The following DYNC1H1 variants were observed in gnomAD, a reference collection of about 807,000 sequenced individuals.
DYNC1H1 encodes the protein dynein cytoplasmic 1 heavy chain 1.
A neutral mutation model predicts 527.1 loss-of-function variants in DYNC1H1; 51 were observed. The ratio of observed to expected loss-of-function variants is 0.10; its 90% confidence interval spans 0.08 to 0.12. The LOEUF is 0.12. Among genes scored for constraint, DYNC1H1 ranks in the 10% least tolerant of loss-of-function variants. The probability of loss-of-function intolerance (pLI) is 1.00; values close to 1 mark genes in which losing one functional copy is unlikely to be tolerated. For synonymous variants in DYNC1H1, 2,189 were observed against 2,278.8 expected (o/e 0.96, Z 1.12); for missense variants, 2,771 against 5,971.8 (o/e 0.46, Z 17.66).
rs2048547257 is a variant in DYNC1H1, at chr14:102,034,454, T to TATG, written c.10754+4_10754+6dup. The TATG allele has an allele frequency of 1.2e-6, 2 of 1,612,528 alleles. No individual in the cohort carries two copies. Among genetic ancestry groups the TATG allele is most frequent in the East Asian group, 4.5e-5 (2 of 44,878 alleles). On this transcript the variant is annotated splice_region_variant and intron_variant, in intron 56 of 77. Coordinates refer to ENST00000360184, the MANE Select transcript of DYNC1H1 (RefSeq NM_001376.5). ...CATCATGCTGAAACGATTCAATAGG[T>TATG]ATGAGCTCGGGTGCCAAGGAGAGGC...
Position 102,017,797 on chromosome 14 carries a change from T to C in DYNC1H1, c.8177+293T>C, listed in dbSNP as rs1334227496. ...CTGGCCAACACAGTGAAACCTCGTC[T>C]CTACTGAAAATACAAAAACAAAATT... On this transcript the variant is annotated intron_variant, in intron 40 of 77. Transcript: ENST00000360184. This position sits in a 1 kb window ranked among gnomAD's most constrained non-coding sequence, Gnocchi z 4.6. 1 of 433,992 alleles carries C rather than the reference T, an allele frequency of 2.3e-6. No homozygotes were observed. The highest frequency in any genetic ancestry group is 3.6e-5 in the Admixed American group (1 of 28,104). The allele number at this position is 433,992 out of a possible 1,614,324, so 26.9% of individuals were successfully genotyped here. A position where few individuals can be genotyped will look rare whatever the true frequency, so the allele number is the denominator to read the frequency against.
At chr14:101,998,368 G>T (rs1230643516) in intron 16 of DYNC1H1, among the ~76,000 whole-genome samples, 1 of 151,806 alleles carries the variant, frequency 6.6e-6, no homozygotes, top group South Asian at 2.1e-4. Flanking sequence ...CTCTATAAAC[G>T]CTGATCTGAT....
At position 102,049,042 on chromosome 14, in the gene DYNC1H1, G is replaced by T. The variant is rs17512968; in HGVS notation, c.13372+373G>T. The T allele has an allele frequency of 1.8e-3, 778 of 423,280 alleles. 2 individuals are homozygous for T. The highest frequency in any genetic ancestry group is 2.9e-3 in the Non-Finnish European group (647 of 226,182). The allele number at this position is 423,280 out of a possible 1,614,324, so 26.2% of individuals were successfully genotyped here. On this transcript the variant is annotated intron_variant, in intron 74 of 77. Coordinates refer to ENST00000360184, the MANE Select transcript of DYNC1H1 (RefSeq NM_001376.5). The surrounding 1 kb of genome is among the most constrained non-coding windows in gnomAD (Gnocchi z 5.5). ...GGACAGTGGAAAAGCAGGGGCAGGC[G>T]GGCATGGGGGGCTCATCCAAAGTTG...
intron 43 of DYNC1H1, among the ~76,000 whole-genome samples, chr14:102,024,640 C>G (rs1049523475): frequency 1.4e-5 from 2 of 139,138 alleles, no homozygotes; most frequent in Non-Finnish European, 3.2e-5. Flanking sequence ...GGTACCCATT[C>G]TTTTTCATTT....
At chr14:102,034,270 A>C in intron 55 of DYNC1H1, 55 bp from the exon 56 acceptor site, 1 of 1,614,200 alleles carries the variant, frequency 6.2e-7, no homozygotes, top group South Asian at 1.1e-5. Flanking sequence ...GAGTCTTGAG[A>C]ACAGTCCCAT....
Position 102,054,906 on chromosome 14 carries a change from T to G in DYNC1H1, c.*4343T>G, listed in dbSNP as rs2048860238. The stretch of plus-strand genomic sequence containing the variant: ...TTTGTAGAGACAGGGTTTTGCCATG[T>G]TGCCCAGGCTGGTCTCCTGGGCTCA... On this transcript the variant is annotated 3_prime_UTR_variant, in exon 78 of 78. Transcript: ENST00000360184. The G allele has an allele frequency of 1.3e-5, 2 of 152,402 alleles. No homozygotes were observed. The highest frequency in any genetic ancestry group is 6.5e-5 in the Admixed American group (1 of 15,276). The allele number at this position is 152,402 out of a possible 1,614,324, so 9.4% of individuals were successfully genotyped here.
rs1003539123 is a variant in DYNC1H1 at position 101,994,276 on chromosome 14, G to A, written c.3108G>A (p.Ser1036=). 4.3e-6 allele frequency: 7 copies of A among 1,614,046 alleles called. No individual in the cohort carries two copies. Among genetic ancestry groups the A allele is most frequent in the African/African-American group, 4.0e-5 (3 of 74,912 alleles). ...ATGGCCCTGTTGCCCTGGAAGAGTC[G>A]TATTCTGCTGTCATGGGCATTGTAT... ...MPDGPVALEE[S]YSAVMGIVSE... is the part of the protein sequence containing the mutation. Residue 1036 remains serine (S), a synonymous_variant, in exon 12 of 78, where the codon TCG becomes TCA. Transcript: ENST00000360184.
At position 101,975,690 on chromosome 14, in the gene DYNC1H1, A is replaced by G. The variant is rs773885406; in HGVS notation, c.257-22A>G. 6 of 1,586,278 alleles carry G rather than the reference A, an allele frequency of 3.8e-6. No individual in the cohort carries two copies. The South Asian group carries it at 6.6e-5, about 18-fold the overall frequency. On this transcript the variant is annotated intron_variant, in intron 1 of 77. Transcript: ENST00000360184. ...AATTGGAAATGTTGATATTAATTTG[A>G]TATATTTATTATGATTTGTAGAGGA...
Position 102,001,701 on chromosome 14 carries a change from T to C in DYNC1H1, c.4542+20T>C. The C allele has an allele frequency of 6.2e-7, 1 of 1,613,646 alleles. No homozygotes were observed. Among genetic ancestry groups the C allele is most frequent in the South Asian group, 1.1e-5 (1 of 91,048 alleles). ...TACAAGGTGCTGTTGCTGGGGAAGC[T>C]TTCCCTCCCCACCAGTGGTCTCCCA... On this transcript the variant is annotated intron_variant, in intron 21 of 77. Coordinates refer to ENST00000360184, the MANE Select transcript of DYNC1H1 (RefSeq NM_001376.5). The surrounding 1 kb of genome is among the most constrained non-coding windows in gnomAD (Gnocchi z 5.0).
Position 102,016,242 on chromosome 14 carries a change from A to T in DYNC1H1, c.7474-107A>T. Reference sequence around the variant, plus strand: ...AGGAAAGGTGCAGTGGGTGTCTGTGATGCAAGAAGACTGGGAACCACTGTC... The same window carrying T: ...AGGAAAGGTGCAGTGGGTGTCTGTGTTGCAAGAAGACTGGGAACCACTGTC... On this transcript the variant is annotated intron_variant, in intron 36 of 77. Transcript: ENST00000360184. This position sits in a 1 kb window ranked among gnomAD's most constrained non-coding sequence, Gnocchi z 7.3. 1 of 1,529,010 alleles carries T rather than the reference A, an allele frequency of 6.5e-7. No individual in the cohort carries two copies. The highest frequency in any genetic ancestry group is 1.2e-5 in the South Asian group (1 of 84,944). 94.7% of individuals were successfully genotyped at this position (1,529,010 alleles called of 1,614,324 possible).
rs373801313 is a variant in DYNC1H1, at chr14:102,041,998, C to T, written c.12103-15C>T. On this transcript the variant is annotated splice_polypyrimidine_tract_variant and intron_variant, in intron 65 of 77. Transcript: ENST00000360184. This position sits in a 1 kb window ranked among gnomAD's most constrained non-coding sequence, Gnocchi z 4.5. ...TTGCTGGCACTGTAATAACTTCTGC[C>T]TTCTTTGTTTGCAGGTGAAGCCCAA... 43 of 1,613,486 alleles carry T rather than the reference C, an allele frequency of 2.7e-5. No individual in the cohort carries two copies. The African/African-American group carries it at 5.2e-4, about 20-fold the overall frequency.
chr14:101,993,247 A>G (rs1168545324), intron 11 of DYNC1H1, among the ~76,000 whole-genome samples: 2 of 148,676 alleles, frequency 1.3e-5, no homozygotes, highest in African/African-American at 5.0e-5. Context: ...CACTGGCACC[A>G]CTCCGTACAA....
In DYNC1H1 at chr14:102,039,353, C is replaced by A. The variant is rs1468930454; in HGVS notation, c.11461-59C>A. On this transcript the variant is annotated intron_variant, in intron 60 of 77. Transcript: ENST00000360184. This position sits in a 1 kb window ranked among gnomAD's most constrained non-coding sequence, Gnocchi z 7.0. ...CCTGCACAGTAGCTCCTTGGCCACG[C>A]AGAAGTTCAGCGGGGTGCCGAGGGA... is the stretch of plus-strand genomic sequence containing the variant. 2.0e-5 allele frequency: 33 copies of A among 1,610,774 alleles called. No homozygotes were observed. Among genetic ancestry groups the A allele is most frequent in the Non-Finnish European group, 2.7e-5 (32 of 1,177,332 alleles).
chr14:102,041,953 C>T lies in DYNC1H1; in HGVS notation c.12103-60C>T. 6.3e-7 allele frequency: 1 copy of T among 1,586,470 alleles called. No homozygotes were observed. The highest frequency in any genetic ancestry group is 8.6e-7 in the Non-Finnish European group (1 of 1,156,662). On this transcript the variant is annotated intron_variant, in intron 65 of 77. Coordinates refer to ENST00000360184, the MANE Select transcript of DYNC1H1 (RefSeq NM_001376.5). The surrounding 1 kb of genome is among the most constrained non-coding windows in gnomAD (Gnocchi z 4.5). ...GCCCCTCACTCGGGGCTCTCCTTTC[C>T]CTTGACAGGTACACACTATTTGCTG...
At chr14:101,973,300 A>G (rs1222814576) in intron 1 of DYNC1H1, among the ~76,000 whole-genome samples, 1 of 151,516 alleles carries the variant, frequency 6.6e-6, no homozygotes, top group Non-Finnish European at 1.5e-5. Context: ...CTGAAATTAC[A>G]GGTGCCAACC....
chr14:101,973,310 C>G (rs1262342423), intron 1 of DYNC1H1, among the ~76,000 whole-genome samples: 1 of 151,772 alleles, frequency 6.6e-6, no homozygotes, highest in African/African-American at 2.4e-5. Context: ...AGGTGCCAAC[C>G]ACCACACCCA....
chr14:101,966,890 G>A (rs957843206), intron 1 of DYNC1H1, among the ~76,000 whole-genome samples: 2 of 152,124 alleles, frequency 1.3e-5, no homozygotes, highest in Non-Finnish European at 2.9e-5. Flanking sequence ...TGTCTTATGA[G>A]TACCTTTTTT....
chr14:101,977,100 G>A (rs2047809723), intron 2 of DYNC1H1, among the ~76,000 whole-genome samples: 1 of 152,154 alleles, frequency 6.6e-6, no homozygotes. Flanking sequence ...CATTATTACA[G>A]ATAACTAGTA....
intron 18 of DYNC1H1, 34 bp downstream of exon 18, chr14:102,000,433 T>C: frequency 6.2e-7 from 1 of 1,600,078 alleles, no homozygotes; most frequent in Non-Finnish European, 8.6e-7. Context: ...TGTACGTCTA[T>C]TTTAACAGTT....
Sources: gnomAD v4.1 joint callset for allele counts (sites outside exome capture counted in the v4.1 genomes callset) on GRCh38, gnomAD v4.1.1 for gene constraint, Gnocchi (gnomAD v3.1) non-coding constraint, MANE v1.5 for transcripts, NCBI Gene and HGNC (gene_info 2026-07-23, HGNC 2026-07-21) for gene names.